Variants in C8orf34 observed in about 807,000 individuals in gnomAD.
C8orf34 encodes uncharacterized protein C8orf34.
In C8orf34, 65 loss-of-function variants were observed where a neutral mutation model predicts 68.3. That is an observed-to-expected ratio of 0.95 (90% confidence interval 0.78 to 1.17). C8orf34 has a LOEUF of 1.17. Among genes scored for constraint, C8orf34 ranks in the 50% most tolerant of loss-of-function variants. The pLI is 0.00. For synonymous variants in C8orf34, 244 were observed against 241.2 expected, an observed-to-expected ratio of 1.01 and a Z score of -0.11; for missense variants, 664 against 655.4, an observed-to-expected ratio of 1.01 and a Z score of -0.14.
intron 1 of C8orf34, among the ~76,000 whole-genome samples, chr8:68,410,761 C>G (rs1206494846): frequency 6.6e-6 from 1 of 152,144 alleles, no homozygotes; most frequent in African/African-American, 2.4e-5. Flanking sequence ...CAGAAGAATT[C>G]TCAGGCAGAT....
intron 1 of C8orf34, among the ~76,000 whole-genome samples, chr8:68,367,923 A>AAAAAAAAAAAAAAAAAAAAAAAAT: frequency 6.8e-6 from 1 of 146,278 alleles, no homozygotes; most frequent in Non-Finnish European, 1.5e-5. Flanking sequence ...AAAAAAAAAA[A>AAAAAAAAAAAAAAAAAAAAAAAAT]AAAAAAAAAA....
intron 1 of C8orf34, among the ~76,000 whole-genome samples, chr8:68,406,776 T>G (rs1258075770): frequency 1.3e-5 from 2 of 152,206 alleles, no homozygotes; most frequent in Non-Finnish European, 2.9e-5. Flanking sequence ...ATTACAGGCA[T>G]GAGCCACCAC....
rs189940050 is a variant in C8orf34, at chr8:68,448,242, A to C, written c.607+1782A>C. 2.1e-3 allele frequency among the ~76,000 whole-genome samples: 327 copies of C among 152,238 alleles called. 1 individual carries two copies. Among genetic ancestry groups the C allele is most frequent in the African/African-American group, 7.1e-3 (294 of 41,544 alleles). On this transcript the variant is annotated intron_variant, in intron 3 of 13. Coordinates refer to ENST00000518698, the MANE Select transcript of C8orf34 (RefSeq NM_052958.4). ...CCACAGGGTGCTGCTGGTGGTCTGG[A>C]GTCTGAATATATTCCTTTTTACTCA...
chr8:68,497,133 C>G (rs1813558267), intron 5 of C8orf34, among the ~76,000 whole-genome samples: 1 of 152,036 alleles, frequency 6.6e-6, no homozygotes, highest in Non-Finnish European at 1.5e-5. Flanking sequence ...ATATCACAGA[C>G]AGAACTTAAT....
chr8:68,352,106 TA>T (rs1806536947), intron 1 of C8orf34, among the ~76,000 whole-genome samples: 1 of 152,046 alleles, frequency 6.6e-6, no homozygotes, highest in South Asian at 2.1e-4. Context: ...CTTTCTCAGA[TA>T]CATTTTTTTG....
chr8:68,677,912 A>G (rs1376834367), intron 8 of C8orf34, among the ~76,000 whole-genome samples: 2 of 152,188 alleles, frequency 1.3e-5, no homozygotes, highest in East Asian at 3.8e-4. Flanking sequence ...ATTACAACCA[A>G]TATTGCAGAA....
In C8orf34 at chr8:68,624,525, C is replaced by T. The variant is rs1049815879; in HGVS notation, c.1106-15851C>T. ...GTCTCTTCCAGTTAATACTTGGGTGCCTTAGGCAAACCCTTTAGACTTTCT... is the reference window on the plus strand; with the variant it reads ...GTCTCTTCCAGTTAATACTTGGGTGTCTTAGGCAAACCCTTTAGACTTTCT... On this transcript the variant is annotated intron_variant, in intron 7 of 13. Transcript: ENST00000518698. 3.2e-4 allele frequency among the ~76,000 whole-genome samples: 48 copies of T among 152,086 alleles called. 1 individual carries two copies. Among genetic ancestry groups the T allele is most frequent in the Non-Finnish European group, 1.0e-4 (7 of 68,016 alleles).
chr8:68,806,668 T>C (rs1465195005), intron 12 of C8orf34, among the ~76,000 whole-genome samples: 1 of 152,202 alleles, frequency 6.6e-6, no homozygotes, highest in Non-Finnish European at 1.5e-5. Flanking sequence ...CTAGGTTCTT[T>C]GTATTAGACT....
chr8:68,756,141 C>T (rs759432895), intron 10 of C8orf34, among the ~76,000 whole-genome samples: 6 of 151,810 alleles, frequency 4.0e-5, no homozygotes, highest in Non-Finnish European at 7.4e-5. Context: ...ATATGAGAGC[C>T]GCCAGTGGCC....
At chr8:68,517,503 T>C (rs1814570261) in intron 5 of C8orf34, among the ~76,000 whole-genome samples, 1 of 152,208 alleles carries the variant, frequency 6.6e-6, no homozygotes, top group South Asian at 2.1e-4. Flanking sequence ...TTGCAGCTCT[T>C]AGTATTGCTT....
At chr8:68,787,063 C>T (rs540370244) in intron 11 of C8orf34, among the ~76,000 whole-genome samples, 3 of 152,280 alleles carry the variant, frequency 2.0e-5, no homozygotes, top group African/African-American at 7.2e-5. Context: ...TCCCATTCAT[C>T]TTCATTCTCA....
chr8:68,806,403 G>GAT (rs1824486161), intron 12 of C8orf34, among the ~76,000 whole-genome samples: 1 of 151,790 alleles, frequency 6.6e-6, no homozygotes, highest in Non-Finnish European at 1.5e-5. Context: ...CCTTTTAAAG[G>GAT]ATATTTTCAC....
At chr8:68,793,271 A>G (rs1055983331) in intron 12 of C8orf34, among the ~76,000 whole-genome samples, 1 of 152,206 alleles carries the variant, frequency 6.6e-6, no homozygotes, top group African/African-American at 2.4e-5. Flanking sequence ...TTAAAACTAC[A>G]TACTTCCAAA....
chr8:68,419,958 C>T (rs1809878832), intron 1 of C8orf34, among the ~76,000 whole-genome samples: 1 of 145,088 alleles, frequency 6.9e-6, no homozygotes, highest in South Asian at 2.2e-4. Context: ...TGCACATGTA[C>T]CCTAAAACTT....
intron 10 of C8orf34, among the ~76,000 whole-genome samples, chr8:68,745,687 A>C (rs368459573): frequency 6.6e-6 from 1 of 152,146 alleles, no homozygotes; most frequent in Non-Finnish European, 1.5e-5. Flanking sequence ...AGAGCTAACT[A>C]TCCTAAATAT....
chr8:68,816,683 G>C (rs1325569015), intron 13 of C8orf34, among the ~76,000 whole-genome samples: 2 of 152,080 alleles, frequency 1.3e-5, no homozygotes, highest in Non-Finnish European at 2.9e-5. Flanking sequence ...AATTGCTCTT[G>C]AGTCAATAAT....
chr8:68,417,898 T>C (rs1029053413), intron 1 of C8orf34, among the ~76,000 whole-genome samples: 1 of 151,862 alleles, frequency 6.6e-6, no homozygotes, highest in African/African-American at 2.4e-5. Flanking sequence ...ATGGCCATTT[T>C]CAAGATATTG....
At chr8:68,800,844 G>T (rs1824308271) in intron 12 of C8orf34, among the ~76,000 whole-genome samples, 1 of 152,162 alleles carries the variant, frequency 6.6e-6, no homozygotes. Context: ...AGCACACTCT[G>T]CTTTCTACGT....
chr8:68,352,194 G>T (rs895635166), intron 1 of C8orf34, among the ~76,000 whole-genome samples: 4 of 151,638 alleles, frequency 2.6e-5, no homozygotes, highest in African/African-American at 9.7e-5. Flanking sequence ...AATAATTTTT[G>T]GTATTCAAAA....
Sources: gnomAD v4.1 joint callset for allele counts (sites outside exome capture counted in the v4.1 genomes callset) on GRCh38, gnomAD v4.1.1 for gene constraint, MANE v1.5 for transcripts, NCBI Gene and HGNC (gene_info 2026-07-23, HGNC 2026-07-21) for gene names.